Variants in RNF130 observed in about 807,000 individuals in gnomAD.
The protein encoded by RNF130 is E3 ubiquitin-protein ligase RNF130.
In RNF130, 21 loss-of-function variants were observed where a neutral mutation model predicts 44.6. That is an observed-to-expected ratio of 0.47 (90% confidence interval 0.33 to 0.68). RNF130 has a LOEUF of 0.68. RNF130 is among the 30% of genes least tolerant of loss of function. The pLI, the probability that RNF130 is intolerant of heterozygous loss-of-function variation, is 0.02. For synonymous variants in RNF130, 214 were observed against 210.4 expected (o/e 1.02, Z -0.15); for missense variants, 479 against 560.6 (o/e 0.85, Z 1.47).
intron 2 of RNF130, among the ~76,000 whole-genome samples, chr5:180,020,733 G>C (rs116180867): frequency 8.9e-4 from 135 of 152,200 alleles, no homozygotes; most frequent in Middle Eastern, 3.4e-3. Flanking sequence ...AAAGAAAAGG[G>C]GGCAGGAGCA....
At chr5:180,038,614 AG>A (rs1405216716) in intron 2 of RNF130, among the ~76,000 whole-genome samples, 3 of 152,086 alleles carry the variant, frequency 2.0e-5, no homozygotes, top group African/African-American at 7.2e-5. Context: ...TGAGTCCTCT[AG>A]GAACATATCT....
At chr5:179,975,603 G>A (rs142356501) in intron 5 of RNF130, among the ~76,000 whole-genome samples, 1 of 152,290 alleles carries the variant, frequency 6.6e-6, no homozygotes, top group East Asian at 1.9e-4. Context: ...GCAGTCTCAG[G>A]GAAAGTTACA....
At chr5:180,008,273 T>G (rs1763508268) in intron 3 of RNF130, among the ~76,000 whole-genome samples, 1 of 152,034 alleles carries the variant, frequency 6.6e-6, no homozygotes, top group African/African-American at 2.4e-5. Flanking sequence ...CTTGCAGTAA[T>G]ATTCATTCTA....
At chr5:179,951,756 T>A (rs1236039105), downstream of RNF130, among the ~76,000 whole-genome samples, 1 of 152,134 alleles carries the variant, frequency 6.6e-6, no homozygotes, top group Non-Finnish European at 1.5e-5. Context: ...ATTGGAAATC[T>A]ACAACAGAAG....
intron 3 of RNF130, among the ~76,000 whole-genome samples, chr5:179,981,105 G>C (rs1582160601): frequency 6.6e-6 from 1 of 152,230 alleles, no homozygotes; most frequent in Admixed American, 6.5e-5. Context: ...GGGGGTTCCG[G>C]GTGTAGGGGT....
intron 2 of RNF130, among the ~76,000 whole-genome samples, chr5:180,039,966 T>C (rs1183343456): frequency 6.6e-6 from 1 of 152,216 alleles, no homozygotes; most frequent in Admixed American, 6.5e-5. Context: ...AAGTGCTCAA[T>C]AAACTGCAAC....
intron 2 of RNF130, among the ~76,000 whole-genome samples, chr5:180,027,549 C>T (rs1764019190): frequency 6.6e-6 from 1 of 152,138 alleles, no homozygotes; most frequent in Non-Finnish European, 1.5e-5. Flanking sequence ...GCACTTCTCA[C>T]CCCATTCTTA....
chr5:179,911,934 T>A (rs1226679281), exon 8 of RNF130: 1 of 152,232 alleles, frequency 6.6e-6, no homozygotes, highest in Non-Finnish European at 1.5e-5. Flanking sequence ...TCAGTTTTGC[T>A]TCTTGAATAT....
At chr5:179,927,744 G>A (rs957360623) in intron 7 of RNF130, among the ~76,000 whole-genome samples, 2 of 151,688 alleles carry the variant, frequency 1.3e-5, no homozygotes, top group Non-Finnish European at 2.9e-5. Context: ...CCGCCACCAC[G>A]CCTGGCTAAT....
intron 7 of RNF130, among the ~76,000 whole-genome samples, chr5:179,925,123 T>A (rs546760806): frequency 1.3e-5 from 2 of 152,228 alleles, no homozygotes; most frequent in Admixed American, 1.3e-4. Flanking sequence ...ATCTTTCATA[T>A]GCTAAAGAGG....
chr5:179,924,388 G>T (rs781376566), intron 7 of RNF130, among the ~76,000 whole-genome samples: 8 of 151,502 alleles, frequency 5.3e-5, no homozygotes, highest in Non-Finnish European at 7.4e-5. Flanking sequence ...CCAGCTACTC[G>T]GGAGGCTGAG....
At chr5:180,043,459 T>C (rs1764475384) in intron 1 of RNF130, among the ~76,000 whole-genome samples, 1 of 152,162 alleles carries the variant, frequency 6.6e-6, no homozygotes, top group Non-Finnish European at 1.5e-5. Flanking sequence ...TGCCAAAATA[T>C]GTGAGCTACC....
At chr5:179,956,842 C>T (rs1267113543) in intron 8 of RNF130, among the ~76,000 whole-genome samples, 1 of 152,242 alleles carries the variant, frequency 6.6e-6, no homozygotes, top group African/African-American at 2.4e-5. Flanking sequence ...GTCTCCATTA[C>T]CTTCAGCACT....
intron 7 of RNF130, among the ~76,000 whole-genome samples, chr5:179,944,809 T>C (rs1762014609): frequency 6.6e-6 from 1 of 151,852 alleles, no homozygotes; most frequent in Admixed American, 6.6e-5. Context: ...CGTGTCTGGC[T>C]CTGTGAAAGG....
intron 4 of RNF130, among the ~76,000 whole-genome samples, chr5:179,979,849 G>C (rs1008400711): frequency 6.6e-5 from 10 of 152,166 alleles, no homozygotes; most frequent in Non-Finnish European, 1.2e-4. Flanking sequence ...CAAAGTCCCA[G>C]GAAGTATAGG....
At chr5:179,972,914 C>A (rs897270031) in intron 5 of RNF130, among the ~76,000 whole-genome samples, 1 of 152,084 alleles carries the variant, frequency 6.6e-6, no homozygotes, top group Non-Finnish European at 1.5e-5. Context: ...AGTGCCCACC[C>A]CTCTGTTTTA....
intron 2 of RNF130, among the ~76,000 whole-genome samples, chr5:180,036,682 T>G (rs866501406): frequency 5.9e-5 from 9 of 152,394 alleles, no homozygotes; most frequent in Non-Finnish European, 7.3e-5. Flanking sequence ...TTTGCTGATC[T>G]CTTCACTTCG....
At chr5:180,062,627 G>C (rs1390023073) in intron 1 of RNF130, among the ~76,000 whole-genome samples, 1 of 152,222 alleles carries the variant, frequency 6.6e-6, no homozygotes, top group East Asian at 1.9e-4. Flanking sequence ...CTAAAGGTTA[G>C]AGGACTTGAA....
chr5:179,987,873 T>C (rs1762990509), intron 3 of RNF130, among the ~76,000 whole-genome samples: 1 of 152,228 alleles, frequency 6.6e-6, no homozygotes, highest in African/African-American at 2.4e-5. Context: ...CTTTGCTTCG[T>C]ACTGGGTTGA....
Sources: allele counts gnomAD v4.1 joint callset (sites outside exome capture counted in the v4.1 genomes callset), GRCh38; gene constraint gnomAD v4.1.1; transcripts MANE v1.5; gene names NCBI Gene and HGNC (gene_info 2026-07-23, HGNC 2026-07-21).